Variants in WDFY4 observed in about 807,000 individuals in gnomAD.
The protein encoded by WDFY4 is WD repeat- and FYVE domain-containing protein 4.
WDFY4 carries 169 observed loss-of-function variants against 351.9 expected under a neutral mutation model. That is an observed-to-expected ratio of 0.48 (90% confidence interval 0.42 to 0.55). The LOEUF is 0.55. Among genes scored for constraint, WDFY4 ranks in the 20% least tolerant of loss-of-function variants. WDFY4 has a pLI of 0.00. For missense variants in WDFY4, 3,803 were observed against 3,935.6 expected, an observed-to-expected ratio of 0.97 and a Z score of 0.90; for synonymous variants, 1,622 against 1,574.6, an observed-to-expected ratio of 1.03 and a Z score of -0.71.
intron 55 of WDFY4, chr10:48,966,923 A>G (rs1842111222): frequency 3.9e-6 from 2 of 512,268 alleles, no homozygotes; most frequent in Non-Finnish European, 6.9e-6. Flanking sequence ...TCTCTCACAC[A>G]CATACACACA....
intron 43 of WDFY4, among the ~76,000 whole-genome samples, chr10:48,884,882 G>C (rs898415776): frequency 6.6e-6 from 1 of 152,118 alleles, no homozygotes; most frequent in Non-Finnish European, 1.5e-5. Context: ...CACACTGCTG[G>C]GAGAGCTGAT....
At chr10:48,901,744 A>G in intron 46 of WDFY4, 57 bp from the exon 47 acceptor site, 1 of 1,523,822 alleles carries the variant, frequency 6.6e-7, no homozygotes, top group Non-Finnish European at 8.9e-7. Context: ...ATGCCTCTGC[A>G]GCAGGAGAAA....
Position 48,974,519 on chromosome 10 carries a change from A to AAAAAAAAAAAAAACAAC in WDFY4, c.8929-333_8929-332insAAACAACAAAAAAAAAA, listed in dbSNP as rs1352344126. ...CTCCGTCTCAAAAAAAAAAAAAAAA[A>AAAAAAAAAAAAAACAAC]AAAAAAAAAACAACTCATGACATGA... is the stretch of plus-strand genomic sequence containing the variant. On this transcript the variant is annotated intron_variant, in intron 57 of 61. Transcript: ENST00000325239. Among the ~76,000 whole-genome samples the AAAAAAAAAAAAAACAAC allele has an allele frequency of 3.3e-3, 166 of 49,970 alleles. 40 individuals are homozygous for AAAAAAAAAAAAAACAAC. The highest frequency in any genetic ancestry group is 4.0e-3 in the Non-Finnish European group (111 of 27,748). The allele number at this position is 49,970 out of a possible 152,430, so 32.8% of individuals were successfully genotyped here. A position where few individuals can be genotyped will look rare whatever the true frequency, so the allele number is the denominator to read the frequency against.
chr10:48,785,310 T>A (rs2066370219), intron 19 of WDFY4, among the ~76,000 whole-genome samples: 1 of 152,206 alleles, frequency 6.6e-6, no homozygotes. Flanking sequence ...GCATGTCTTT[T>A]AATCCTCTTT....
intron 32 of WDFY4, 44 bp from the exon 33 acceptor site, chr10:48,820,190 G>C (rs1196350543): frequency 1.3e-6 from 2 of 1,545,844 alleles, no homozygotes; most frequent in African/African-American, 2.7e-5. Context: ...GAAAGAGCTT[G>C]AGGCAGGGCA....
At chr10:48,964,179 T>G in intron 54 of WDFY4, 125 bp downstream of exon 54, 1 of 1,077,520 alleles carries the variant, frequency 9.3e-7, no homozygotes, top group Non-Finnish European at 1.3e-6. Context: ...ATCATCTTCC[T>G]GTGCTTTCAA....
intron 32 of WDFY4, among the ~76,000 whole-genome samples, chr10:48,819,906 T>C (rs2067757042): frequency 6.6e-6 from 1 of 152,164 alleles, no homozygotes; most frequent in African/African-American, 2.4e-5. Context: ...GTTTTTATTG[T>C]CTCTATTTAA....
intron 10 of WDFY4, among the ~76,000 whole-genome samples, chr10:48,734,435 A>G (rs2064575504): frequency 6.6e-6 from 1 of 152,026 alleles, no homozygotes; most frequent in Non-Finnish European, 1.5e-5. Flanking sequence ...CTCTCATCAG[A>G]CATGATGCAC....
At chr10:48,826,969 A>G in intron 36 of WDFY4, 60 bp downstream of exon 36, 2 of 1,398,028 alleles carry the variant, frequency 1.4e-6, no homozygotes, top group South Asian at 1.3e-5. Flanking sequence ...GGAGAGATTT[A>G]GAGGAAAGCT....
chr10:48,829,236 A>G (rs1220332424), intron 37 of WDFY4, among the ~76,000 whole-genome samples: 1 of 152,182 alleles, frequency 6.6e-6, no homozygotes, highest in Non-Finnish European at 1.5e-5. Flanking sequence ...TCTACGGTAA[A>G]TTAAAACTGT....
chr10:48,835,234 T>C (rs1386829060), intron 39 of WDFY4, among the ~76,000 whole-genome samples: 6 of 151,992 alleles, frequency 3.9e-5, no homozygotes, highest in African/African-American at 1.5e-4. Context: ...GGAGAACTGA[T>C]GGCAATGAGA....
At chr10:48,711,251 C>A (rs530616168) in intron 2 of WDFY4, among the ~76,000 whole-genome samples, 2 of 152,188 alleles carry the variant, frequency 1.3e-5, no homozygotes, top group Non-Finnish European at 2.9e-5. Context: ...TCCATTAATT[C>A]ATCATTTTCC....
chr10:48,723,509 C>T lies in WDFY4; in HGVS notation c.533C>T (p.Pro178Leu), dbSNP rs1181941173. Residue 178 changes from proline (P) to leucine (L), a missense_variant, in exon 5 of 62, where the codon CCT (proline) becomes CTT (leucine). Physicochemically the swap from Pro to Leu is moderately conservative, Grantham distance 98. Coordinates refer to ENST00000325239, the MANE Select transcript of WDFY4 (RefSeq NM_001394531.1). The part of the protein sequence containing the change: ...LQCLYLFFVF[P>L]LDKDELLESD... ...TGCCTTTACCTCTTCTTTGTCTTTC[C>T]TCTGGACAAAGATGAGCTTCTTGAG... 7.1e-6 allele frequency: 11 copies of T among 1,551,578 alleles called. No homozygotes were observed. The highest frequency in any genetic ancestry group is 2.0e-5 in the Admixed American group (1 of 50,986).
intron 8 of WDFY4, 75 bp downstream of exon 8, chr10:48,729,664 T>C (rs905654711): frequency 2.8e-5 from 42 of 1,492,408 alleles, no homozygotes; most frequent in Admixed American, 1.7e-4. Context: ...GGTCTTCTCC[T>C]GATTCTTTGT....
At chr10:48,840,868 C>A (rs1424618530) in intron 39 of WDFY4, among the ~76,000 whole-genome samples, 7 of 152,208 alleles carry the variant, frequency 4.6e-5, no homozygotes, top group African/African-American at 7.2e-5. Context: ...AAAGCAAACA[C>A]TGATACCTTT....
At chr10:48,803,429 G>C in intron 25 of WDFY4, 70 bp downstream of exon 25, 1 of 1,449,174 alleles carries the variant, frequency 6.9e-7, no homozygotes, top group Non-Finnish European at 9.4e-7. Context: ...ACAGGGCAGG[G>C]TGGCCAGTGG....
At position 48,952,539 on chromosome 10, in the gene WDFY4, G is replaced by A. The variant is rs149127731; in HGVS notation, c.7978-4590G>A. On this transcript the variant is annotated intron_variant, in intron 51 of 61. Transcript: ENST00000325239. ...TCCTGGCTCTAGAACTTTCTAATTG[G>A]CATTATTGAACAACGGAGCCTCAGT... 7.6e-4 allele frequency among the ~76,000 whole-genome samples: 116 copies of A among 152,270 alleles called. 1 individual carries two copies. Among genetic ancestry groups the A allele is most frequent in the Middle Eastern group, 3.4e-3 (1 of 294 alleles).
intron 38 of WDFY4, among the ~76,000 whole-genome samples, chr10:48,832,351 A>G (rs2068218450): frequency 6.6e-6 from 1 of 152,256 alleles, no homozygotes. Flanking sequence ...CCGTGGAGCT[A>G]GGAGTTTAGG....
Position 48,788,664 on chromosome 10 carries a change from A to G in WDFY4, c.3943A>G (p.Ile1315Val), listed in dbSNP as rs2066577485. The G allele has an allele frequency of 6.4e-7, 1 of 1,551,666 alleles. No homozygotes were observed. Among genetic ancestry groups the G allele is most frequent in the South Asian group, 1.2e-5 (1 of 84,064 alleles). ...NAYNEVDSRL[I>V]AKEMNISSRD... The stretch of plus-strand genomic sequence containing the variant: ...TTACAATGAGGTGGACAGCCGCCTG[A>G]TCGCCAAAGAGGTACATCTTCTAAC... The change falls in exon 21 of 62, where the codon ATC becomes GTC. Residue 1315 changes from isoleucine (I) to valine (V), a missense_variant. By Grantham distance (29) the Ile-to-Val change is conservative. Transcript: ENST00000325239.
Sources: allele counts gnomAD v4.1 joint callset (sites outside exome capture counted in the v4.1 genomes callset), GRCh38; gene constraint gnomAD v4.1.1; transcripts MANE v1.5; gene names NCBI Gene and HGNC (gene_info 2026-07-23, HGNC 2026-07-21).